SPIDR: variants seen among roughly 807,000 people sequenced by gnomAD.
SPIDR encodes scaffold protein involved in DNA repair, also known as DNA repair-scaffolding protein.
A neutral mutation model predicts 104.6 loss-of-function variants in SPIDR; 93 were observed. That is an observed-to-expected ratio of 0.89 (90% CI 0.75 to 1.06). The LOEUF (loss-of-function observed/expected upper bound fraction) is 1.06. Ranked by LOEUF, SPIDR falls within the 50% of genes least tolerant of loss-of-function variation. The pLI, the probability that SPIDR is intolerant of heterozygous loss-of-function variation, is 0.00. For missense variants in SPIDR, 1,154 were observed against 1,111.2 expected (o/e 1.04, Z -0.55); for synonymous variants, 431 against 416.9 (o/e 1.03, Z -0.41).
intron 8 of SPIDR, among the ~76,000 whole-genome samples, chr8:47,565,901 G>A (rs2057726656): frequency 7.2e-6 from 1 of 138,474 alleles, no homozygotes; most frequent in African/African-American, 2.6e-5. Flanking sequence ...CTACTATGTG[G>A]CTGAAAACTA....
intron 7 of SPIDR, among the ~76,000 whole-genome samples, chr8:47,428,639 G>T (rs2154338355): frequency 6.6e-6 from 1 of 152,222 alleles, no homozygotes; most frequent in African/African-American, 2.4e-5. Context: ...TTAGATTTAA[G>T]AAATGCGAAT....
In SPIDR at chr8:47,685,505, A is replaced by ATTTTTTTTTTTTTTTTTTTTTTT. The variant is rs201735323; in HGVS notation, c.1685+11567_1685+11568insTTTTTTTTTTTTTTTTTTTTTTT. On this transcript the variant is annotated intron_variant, in intron 11 of 19. Transcript: ENST00000297423. ...TATTTATTTATTTATTTATTTATTT[A>ATTTTTTTTTTTTTTTTTTTTTTT]TTTATTTATTTATTTTTTTGAGACA... Among the ~76,000 whole-genome samples, 3 of 104,374 alleles carry ATTTTTTTTTTTTTTTTTTTTTTT rather than the reference A, an allele frequency of 2.9e-5. 1 individual carries two copies. Among genetic ancestry groups the ATTTTTTTTTTTTTTTTTTTTTTT allele is most frequent in the East Asian group, 6.7e-4 (2 of 2,970 alleles). 68.5% of individuals were successfully genotyped at this position (104,374 alleles called of 152,430 possible). A position where few individuals can be genotyped will look rare whatever the true frequency, so the allele number is the denominator to read the frequency against.
chr8:47,430,160 G>A (rs1319168057), intron 7 of SPIDR, among the ~76,000 whole-genome samples: 3 of 152,118 alleles, frequency 2.0e-5, no homozygotes, highest in Non-Finnish European at 4.4e-5. Flanking sequence ...GGCACTTCAC[G>A]GTAATGGTCG....
At chr8:47,268,370 C>G (rs2034531323) in intron 1 of SPIDR, among the ~76,000 whole-genome samples, 1 of 152,096 alleles carries the variant, frequency 6.6e-6, no homozygotes. Flanking sequence ...TGCAGAAAGC[C>G]ATCTGGGATT....
intron 5 of SPIDR, among the ~76,000 whole-genome samples, chr8:47,345,489 A>G (rs545708140): frequency 1.3e-5 from 2 of 152,248 alleles, no homozygotes; most frequent in South Asian, 2.1e-4. Context: ...CTTTTTTTCA[A>G]TTCTGTGAAG....
intron 8 of SPIDR, among the ~76,000 whole-genome samples, chr8:47,474,582 T>G (rs1554722741): frequency 1.3e-5 from 2 of 152,208 alleles, no homozygotes; most frequent in African/African-American, 4.8e-5. Context: ...TCTGGCATAT[T>G]TTCTCCTTCA....
rs536655624 is a variant in SPIDR at position 47,564,875 on chromosome 8, G to C, written c.1098-30936G>C. On this transcript the variant is annotated intron_variant, in intron 8 of 19. Transcript: ENST00000297423. ...TTCAACTTGAGCTTATTATTTTGCA[G>C]TTCCTTATTGCAAGAAGTATCAAGC... Among the ~76,000 whole-genome samples the C allele has an allele frequency of 1.4e-4, 22 of 152,158 alleles. No individual in the cohort carries two copies. In the South Asian group the frequency reaches 3.5e-3, roughly 24 times the overall value.
At chr8:47,524,136 A>G (rs942011863) in intron 8 of SPIDR, among the ~76,000 whole-genome samples, 4 of 152,372 alleles carry the variant, frequency 2.6e-5, no homozygotes, top group African/African-American at 9.6e-5. Context: ...TATCAGGCAC[A>G]TGTATGCTAA....
intron 5 of SPIDR, among the ~76,000 whole-genome samples, chr8:47,333,559 C>T (rs1259630808): frequency 3.9e-5 from 6 of 152,124 alleles, no homozygotes; most frequent in African/African-American, 1.4e-4. Flanking sequence ...ACCTCAGCCT[C>T]CCAAAGTTCT....
At chr8:47,474,324 G>A (rs948872236) in intron 8 of SPIDR, among the ~76,000 whole-genome samples, 1 of 152,140 alleles carries the variant, frequency 6.6e-6, no homozygotes, top group African/African-American at 2.4e-5. Flanking sequence ...GTAGTATTTT[G>A]AAAATGTCTT....
chr8:47,470,430 A>C (rs369190769), intron 8 of SPIDR, among the ~76,000 whole-genome samples: 45 of 152,140 alleles, frequency 3.0e-4, no homozygotes, highest in African/African-American at 1.1e-3. Context: ...CTGGAATTAC[A>C]GGCGCCCACC....
At chr8:47,472,222 G>A (rs1564070480) in intron 8 of SPIDR, among the ~76,000 whole-genome samples, 1 of 152,230 alleles carries the variant, frequency 6.6e-6, no homozygotes, top group African/African-American at 2.4e-5. Flanking sequence ...ACGTCCCTGT[G>A]CTAGTCTGCT....
At chr8:47,313,503 A>G (rs2044638364) in intron 5 of SPIDR, among the ~76,000 whole-genome samples, 1 of 152,222 alleles carries the variant, frequency 6.6e-6, no homozygotes, top group South Asian at 2.1e-4. Context: ...TAATTTATAG[A>G]TTCAATGCCA....
At chr8:47,683,630 A>G (rs944097806) in intron 11 of SPIDR, among the ~76,000 whole-genome samples, 1 of 152,206 alleles carries the variant, frequency 6.6e-6, no homozygotes, top group Non-Finnish European at 1.5e-5. Flanking sequence ...TTACTGGTTG[A>G]GCATCCCTAA....
At chr8:47,554,479 G>A (rs1459109858) in intron 8 of SPIDR, among the ~76,000 whole-genome samples, 9 of 152,180 alleles carry the variant, frequency 5.9e-5, no homozygotes, top group African/African-American at 1.4e-4. Context: ...CCTCGCTGTC[G>A]CCTTGCAGTT....
At chr8:47,602,405 A>G (rs1438855262) in intron 10 of SPIDR, among the ~76,000 whole-genome samples, 1 of 152,188 alleles carries the variant, frequency 6.6e-6, no homozygotes, top group Non-Finnish European at 1.5e-5. Context: ...TACCCCAGAG[A>G]TCTTTCAAAC....
At chr8:47,304,321 T>C (rs1051842087) in intron 5 of SPIDR, among the ~76,000 whole-genome samples, 2 of 152,112 alleles carry the variant, frequency 1.3e-5, no homozygotes, top group African/African-American at 2.4e-5. Flanking sequence ...ACCAAAACCC[T>C]TGGTACTGTC....
At chr8:47,327,106 T>C (rs2047783800) in intron 5 of SPIDR, among the ~76,000 whole-genome samples, 1 of 152,154 alleles carries the variant, frequency 6.6e-6, no homozygotes, top group Non-Finnish European at 1.5e-5. Flanking sequence ...GCACTTACAT[T>C]ATGGTCTCTT....
At chr8:47,373,625 A>G (rs1166933568) in intron 5 of SPIDR, among the ~76,000 whole-genome samples, 1 of 152,080 alleles carries the variant, frequency 6.6e-6, no homozygotes, top group Non-Finnish European at 1.5e-5. Flanking sequence ...TGCTCTAGCC[A>G]TATTGCTTCG....
Sources: gnomAD v4.1 joint callset for allele counts (sites outside exome capture counted in the v4.1 genomes callset) on GRCh38, gnomAD v4.1.1 for gene constraint, MANE v1.5 for transcripts, NCBI Gene and HGNC (gene_info 2026-07-23, HGNC 2026-07-21) for gene names.